LMO7: variants seen among roughly 807,000 people sequenced by gnomAD.
The protein encoded by LMO7 is LIM domain only protein 7.
LMO7 carries 120 observed loss-of-function variants against 206.5 expected under a neutral mutation model. The ratio of observed to expected loss-of-function variants is 0.58; its 90% CI spans 0.50 to 0.68. The LOEUF (loss-of-function observed/expected upper bound fraction) is 0.68, where lower values mean the gene tolerates loss of function less well. Among genes scored for constraint, LMO7 ranks in the 30% least tolerant of loss-of-function variants. The pLI is 0.00. For synonymous variants in LMO7, 706 were observed against 681.5 expected, an observed-to-expected ratio of 1.04 and a Z score of -0.56; for missense variants, 1,959 against 1,957.9, an observed-to-expected ratio of 1.00 and a Z score of -0.01.
chr13:75,713,272 A>T lies in LMO7; in HGVS notation c.140+20A>T, dbSNP rs375172263. ...GTGTGAGTAAGTATTTAAAGTATTT[A>T]AAAAATAATTCAAAAGCAAAGATAT... On this transcript the variant is annotated intron_variant, in intron 2 of 30. Transcript: ENST00000377534. 1.3e-6 allele frequency: 2 copies of T among 1,570,652 alleles called. No individual in the cohort carries two copies. The highest frequency in any genetic ancestry group is 1.7e-6 in the Non-Finnish European group (2 of 1,149,600).
intron 3 of LMO7, among the ~76,000 whole-genome samples, chr13:75,754,791 G>A (rs1415695323): frequency 6.6e-6 from 1 of 152,332 alleles, no homozygotes; most frequent in East Asian, 1.9e-4. Flanking sequence ...TGGGTTGAAA[G>A]GCTCTGAAAG....
At chr13:75,736,343 CCTT>C (rs1249287215) in intron 3 of LMO7, among the ~76,000 whole-genome samples, 1 of 152,202 alleles carries the variant, frequency 6.6e-6, no homozygotes, top group African/African-American at 2.4e-5. Context: ...TCACTTGACT[CCTT>C]CTGATGCCTG....
intron 2 of LMO7, among the ~76,000 whole-genome samples, chr13:75,723,711 A>G (rs2138484266): frequency 6.6e-6 from 1 of 152,310 alleles, no homozygotes; most frequent in African/African-American, 2.4e-5. Flanking sequence ...AGTATCTGTC[A>G]TTGTGCAACT....
chr13:75,670,503 T>C (rs991985703), intron 1 of LMO7, among the ~76,000 whole-genome samples: 1 of 152,208 alleles, frequency 6.6e-6, no homozygotes, highest in African/African-American at 2.4e-5. Context: ...GCTACAAACC[T>C]GTGCTGCATG....
intron 1 of LMO7, among the ~76,000 whole-genome samples, chr13:75,658,575 C>G (rs1594106575): frequency 1.3e-5 from 2 of 151,830 alleles, no homozygotes; most frequent in Non-Finnish European, 2.9e-5. Flanking sequence ...TCTTATTCAA[C>G]TATATCTTAT....
At chr13:75,622,216 G>A (rs1170963912) in intron 1 of LMO7, 1 of 159,450 alleles carries the variant, frequency 6.3e-6, no homozygotes, top group Non-Finnish European at 1.4e-5. Flanking sequence ...CTGAACTTTT[G>A]TTGTCAGTAA....
At chr13:75,818,204 T>G (rs1469499005) in intron 12 of LMO7, among the ~76,000 whole-genome samples, 1 of 152,188 alleles carries the variant, frequency 6.6e-6, no homozygotes, top group East Asian at 1.9e-4. Context: ...AAAGTAAGTA[T>G]TACGGGCTTA....
upstream of LMO7, among the ~76,000 whole-genome samples, chr13:75,633,319 T>G (rs2035241861): frequency 6.6e-6 from 1 of 152,220 alleles, no homozygotes; most frequent in Non-Finnish European, 1.5e-5. Flanking sequence ...AACAGTTGTA[T>G]TCCTGAAGCT....
At chr13:75,680,032 C>T (rs982561970) in intron 1 of LMO7, among the ~76,000 whole-genome samples, 6 of 152,200 alleles carry the variant, frequency 3.9e-5, no homozygotes, top group Admixed American at 3.3e-4. Flanking sequence ...GCCCAGCATG[C>T]GTTAACTATT....
chr13:75,819,733 A>G (rs2057392432), intron 13 of LMO7, among the ~76,000 whole-genome samples, 198 bp downstream of exon 13: 1 of 152,228 alleles, frequency 6.6e-6, no homozygotes, highest in Admixed American at 6.5e-5. Flanking sequence ...AGTAATAGTA[A>G]CAAAATAAAT....
intron 1 of LMO7, among the ~76,000 whole-genome samples, chr13:75,689,840 G>A (rs951635356): frequency 2.0e-5 from 3 of 152,190 alleles, no homozygotes; most frequent in East Asian, 3.9e-4. Context: ...TTGGGACACG[G>A]ACTGGCTTCC....
chr13:75,788,301 T>C (rs1445136381), intron 4 of LMO7, among the ~76,000 whole-genome samples: 1 of 151,774 alleles, frequency 6.6e-6, no homozygotes, highest in Non-Finnish European at 1.5e-5. Flanking sequence ...CTACTAAAAA[T>C]ACAAAAAATT....
At chr13:75,665,371 T>C (rs1947897747) in intron 1 of LMO7, among the ~76,000 whole-genome samples, 1 of 152,056 alleles carries the variant, frequency 6.6e-6, no homozygotes, top group Non-Finnish European at 1.5e-5. Context: ...TATGGATGTA[T>C]TGAAGTACAG....
rs529599325 is a variant in LMO7, at chr13:75,754,441, A to G, written c.211-6491A>G. On this transcript the variant is annotated intron_variant, in intron 3 of 30. Transcript: ENST00000377534. ...ATCAGAACGGTTTGTACCTTTTGAT[A>G]TGTACATGCACATGCATGTACATGT... 2.0e-5 allele frequency among the ~76,000 whole-genome samples: 3 copies of G among 152,334 alleles called. No individual in the cohort carries two copies. In the East Asian group the frequency reaches 5.8e-4, roughly 29 times the overall value.
intron 1 of LMO7, among the ~76,000 whole-genome samples, chr13:75,676,567 T>G (rs538147497): frequency 1.6e-4 from 24 of 152,330 alleles, no homozygotes; most frequent in African/African-American, 5.8e-4. Context: ...TGTCTCTCTC[T>G]TTGTATCAAT....
At chr13:75,747,199 A>G (rs981939959) in intron 3 of LMO7, among the ~76,000 whole-genome samples, 1 of 152,192 alleles carries the variant, frequency 6.6e-6, no homozygotes, top group Non-Finnish European at 1.5e-5. Flanking sequence ...TATATTGTCT[A>G]CAAACTTAAT....
At position 75,777,057 on chromosome 13, in the gene LMO7, A is replaced by C. The variant is rs371503215; in HGVS notation, c.317+16019A>C. 9.2e-5 allele frequency among the ~76,000 whole-genome samples: 14 copies of C among 152,360 alleles called. No individual in the cohort carries two copies. The East Asian group carries it at 2.7e-3, about 29-fold the overall frequency. ...AATGTCAGCCAGTGAGCTAAGATGG[A>C]GATGTGGATGGAAGTGCCACATCCG... On this transcript the variant is annotated intron_variant, in intron 4 of 30. Transcript: ENST00000377534.
At chr13:75,642,022 TAAG>T (rs1209288717) in intron 1 of LMO7, among the ~76,000 whole-genome samples, 1 of 151,936 alleles carries the variant, frequency 6.6e-6, no homozygotes. Context: ...ATATGGGAAA[TAAG>T]AAAGGATCCT....
At position 75,734,139 on chromosome 13, in the gene LMO7, AC is replaced by A. The variant is rs148622083; in HGVS notation, c.210+7044del. ...TCTTTCTCTTTGCCACAATAATATT[AC>A]CCATAAAATGAATGTGATGGTTCTG... On this transcript the variant is annotated intron_variant, in intron 3 of 30. Coordinates refer to ENST00000377534, the MANE Select transcript of LMO7 (RefSeq NM_001306080.2). 3.4e-3 allele frequency among the ~76,000 whole-genome samples: 515 copies of A among 152,286 alleles called. 10 individuals are homozygous for A. Among genetic ancestry groups the A allele is most frequent in the Admixed American group, 0.031 (477 of 15,290 alleles).
Sources: allele counts gnomAD v4.1 joint callset (sites outside exome capture counted in the v4.1 genomes callset), GRCh38; gene constraint gnomAD v4.1.1; transcripts MANE v1.5; gene names NCBI Gene and HGNC (gene_info 2026-07-23, HGNC 2026-07-21).